Variants in CBLB observed in about 807,000 individuals in gnomAD.
CBLB encodes Cbl proto-oncogene B.
In CBLB, 31 loss-of-function variants were observed where a neutral mutation model predicts 104.9. The observed-to-expected ratio is 0.30, with a 90% CI of 0.22 to 0.40. CBLB has a LOEUF of 0.40. CBLB is among the 10% of genes least tolerant of loss of function. The probability of loss-of-function intolerance (pLI) is 1.00; values close to 1 mark genes in which losing one functional copy is unlikely to be tolerated. For synonymous variants in CBLB, 440 were observed against 422.6 expected (o/e 1.04, Z -0.51); for missense variants, 1,062 against 1,214.6 (o/e 0.87, Z 1.87).
intron 3 of CBLB, among the ~76,000 whole-genome samples, chr3:105,841,618 A>G (rs1006328847): frequency 2.7e-5 from 4 of 150,824 alleles, no homozygotes; most frequent in Non-Finnish European, 4.4e-5. Flanking sequence ...ACGCCCAGCT[A>G]ATTTTTTTGT....
chr3:105,656,793 A>G lies in CBLB; in HGVS notation c.*2177T>C, dbSNP rs1559694949. ...TTAGGAATGTTGCAACAATGTTATC[A>G]CAATGAAGTGGCAACTTTTGGCCTT... On this transcript the variant is annotated 3_prime_UTR_variant, in exon 19 of 19. Transcript: ENST00000394030. 1 of 203,614 alleles carries G rather than the reference A, an allele frequency of 4.9e-6. No homozygotes were observed. 12.6% of individuals were successfully genotyped at this position (203,614 alleles called of 1,614,324 possible). A position where few individuals can be genotyped will look rare whatever the true frequency, so the allele number is the denominator to read the frequency against.
chr3:105,683,291 T>TAAGCTTAAAGAGCTC (rs2066555195), intron 14 of CBLB, among the ~76,000 whole-genome samples: 1 of 152,226 alleles, frequency 6.6e-6, no homozygotes, highest in Admixed American at 6.5e-5. Context: ...AAGAAAGTGT[T>TAAGCTTAAAGAGCTC]AAGCTTAAAG....
chr3:105,679,335 TTAAAAAAAAAAAAA>T (rs1180313065), intron 16 of CBLB, among the ~76,000 whole-genome samples: 1 of 75,134 alleles, frequency 1.3e-5, no homozygotes, highest in Non-Finnish European at 2.5e-5. Flanking sequence ...CCTTGAGTCT[TTAAAAAAAAAAAAA>T]AAAAAAAAAA....
At chr3:105,660,669 T>C (rs548665247) in intron 18 of CBLB, among the ~76,000 whole-genome samples, 5 of 152,316 alleles carry the variant, frequency 3.3e-5, no homozygotes, top group Non-Finnish European at 7.3e-5. Flanking sequence ...CGTCTCATGC[T>C]TAATGTTCCC....
At chr3:105,679,929 A>G (rs1238207312) in intron 16 of CBLB, among the ~76,000 whole-genome samples, 1 of 152,150 alleles carries the variant, frequency 6.6e-6, no homozygotes, top group Non-Finnish European at 1.5e-5. Context: ...ACATTATCAT[A>G]TTTATTCAAA....
intron 6 of CBLB, among the ~76,000 whole-genome samples, chr3:105,741,945 G>T (rs887537038): frequency 1.3e-5 from 2 of 152,208 alleles, no homozygotes; most frequent in Admixed American, 1.3e-4. Context: ...CTTACAAGGG[G>T]AAGTTAAGAT....
intron 12 of CBLB, among the ~76,000 whole-genome samples, chr3:105,697,547 G>A (rs559549856): frequency 6.6e-5 from 10 of 151,926 alleles, no homozygotes; most frequent in East Asian, 1.9e-4. Flanking sequence ...GTCCTTCAAC[G>A]TCAGACTGTA....
At chr3:105,717,159 AAGCAGT>A (rs944052486) in intron 10 of CBLB, among the ~76,000 whole-genome samples, 3 of 152,132 alleles carry the variant, frequency 2.0e-5, no homozygotes, top group African/African-American at 7.2e-5. Context: ...GTTTTCTCCC[AAGCAGT>A]AAGGTATACA....
At chr3:105,795,768 G>A (rs1156669554) in intron 3 of CBLB, among the ~76,000 whole-genome samples, 1 of 152,074 alleles carries the variant, frequency 6.6e-6, no homozygotes, top group African/African-American at 2.4e-5. Context: ...TTTTGAGACT[G>A]AGTCTTGCTC....
At chr3:105,672,312 ATAT>A (rs2065159328) in intron 17 of CBLB, 1 of 181,000 alleles carries the variant, frequency 5.5e-6, no homozygotes, top group African/African-American at 2.4e-5. Context: ...TACACTCAAA[ATAT>A]TATTATAAAT....
chr3:105,675,814 G>T (rs2065564045), intron 17 of CBLB, among the ~76,000 whole-genome samples: 2 of 148,358 alleles, frequency 1.3e-5, no homozygotes, highest in Admixed American at 1.4e-4. Context: ...GAACCTTGGA[G>T]GCAGAGGTTG....
intron 3 of CBLB, among the ~76,000 whole-genome samples, chr3:105,813,616 G>T (rs1020945194): frequency 6.6e-6 from 1 of 151,990 alleles, no homozygotes; most frequent in Non-Finnish European, 1.5e-5. Flanking sequence ...GTCTTTAAAG[G>T]TTTGTAAGGT....
At position 105,868,847 on chromosome 3, in the gene CBLB, G is replaced by C; in HGVS notation, c.-126C>G. ...GCTGGGAGTGGGATCGCTGAGAACA[G>C]CTCGCTCCCGAAGAAGGAGCAACCC... On this transcript the variant is annotated 5_prime_UTR_variant, in exon 1 of 19. Coordinates refer to ENST00000394030, the MANE Select transcript of CBLB (RefSeq NM_170662.5). The C allele has an allele frequency of 9.9e-7, 1 of 1,009,346 alleles. No individual in the cohort carries two copies. The highest frequency in any genetic ancestry group is 1.2e-6 in the Non-Finnish European group (1 of 846,268). The allele number at this position is 1,009,346 out of a possible 1,614,324, so 62.5% of individuals were successfully genotyped here.
At chr3:105,691,811 C>T (rs1467547827) in intron 13 of CBLB, among the ~76,000 whole-genome samples, 1 of 152,142 alleles carries the variant, frequency 6.6e-6, no homozygotes, top group Admixed American at 6.6e-5. Flanking sequence ...CCCACCGTCC[C>T]CTGAATGATG....
intron 18 of CBLB, among the ~76,000 whole-genome samples, chr3:105,660,447 C>T (rs888282592): frequency 1.3e-5 from 2 of 152,062 alleles, no homozygotes; most frequent in African/African-American, 2.4e-5. Flanking sequence ...CCACCTTGGC[C>T]TCCCAAAGTG....
At chr3:105,752,471 G>A (rs1003079757) in intron 4 of CBLB, among the ~76,000 whole-genome samples, 1 of 151,902 alleles carries the variant, frequency 6.6e-6, no homozygotes, top group African/African-American at 2.4e-5. Context: ...TTCCTAATTC[G>A]GCAGAAGAAA....
intron 12 of CBLB, among the ~76,000 whole-genome samples, chr3:105,696,780 A>G (rs1446852455): frequency 6.6e-6 from 1 of 151,940 alleles, no homozygotes; most frequent in Non-Finnish European, 1.5e-5. Flanking sequence ...GTAGAATTCA[A>G]GACACTTCAT....
chr3:105,861,286 T>C (rs1577973077), intron 2 of CBLB, among the ~76,000 whole-genome samples: 2 of 152,284 alleles, frequency 1.3e-5, no homozygotes, highest in East Asian at 3.9e-4. Flanking sequence ...TCCATTTTAA[T>C]TTTTTACTTA....
At chr3:105,742,824 A>G (rs1193051538) in intron 6 of CBLB, among the ~76,000 whole-genome samples, 6 of 152,220 alleles carry the variant, frequency 3.9e-5, no homozygotes. Flanking sequence ...ATTTATTCAT[A>G]TAGTAAGAAT....
Sources: gnomAD v4.1 joint callset for allele counts (sites outside exome capture counted in the v4.1 genomes callset) on GRCh38, gnomAD v4.1.1 for gene constraint, MANE v1.5 for transcripts, NCBI Gene and HGNC (gene_info 2026-07-23, HGNC 2026-07-21) for gene names.